Variants in DMXL1 observed in about 807,000 individuals in gnomAD.
The protein encoded by DMXL1 is dmX-like protein 1.
A neutral mutation model predicts 319.2 loss-of-function variants in DMXL1; 99 were observed. The ratio of observed to expected loss-of-function variants is 0.31; its 90% CI spans 0.26 to 0.37. The LOEUF is 0.37. DMXL1 is among the 10% of genes least tolerant of loss of function. DMXL1 has a pLI of 1.00. For synonymous variants in DMXL1, 1,385 were observed against 1,235.2 expected, an observed-to-expected ratio of 1.12 and a Z score of -2.54; for missense variants, 3,745 against 3,595.6, an observed-to-expected ratio of 1.04 and a Z score of -1.06.
intron 19 of DMXL1, among the ~76,000 whole-genome samples, chr5:119,156,212 T>C (rs1281623038): frequency 6.6e-6 from 1 of 152,208 alleles, no homozygotes; most frequent in Non-Finnish European, 1.5e-5. Context: ...AAGGCAAGAT[T>C]CTCCATCAGC....
intron 1 of DMXL1, among the ~76,000 whole-genome samples, chr5:119,072,729 C>G (rs550983011): frequency 2.5e-4 from 38 of 152,254 alleles, no homozygotes; most frequent in African/African-American, 9.1e-4. Flanking sequence ...CTGAATTGTA[C>G]TTTTAGAATT....
chr5:119,105,314 A>G, intron 4 of DMXL1, 56 bp downstream of exon 4: 1 of 1,371,418 alleles, frequency 7.3e-7, no homozygotes, highest in South Asian at 1.2e-5. Context: ...AGTTGTTCTT[A>G]TTTTTATTAC....
At chr5:119,201,710 T>A (rs776134273) in intron 32 of DMXL1, among the ~76,000 whole-genome samples, 35 of 152,212 alleles carry the variant, frequency 2.3e-4, no homozygotes, top group Non-Finnish European at 1.9e-4. Flanking sequence ...ATGCCTTTTT[T>A]GGTTGGTATG....
intron 10 of DMXL1, 128 bp from the exon 11 acceptor site, chr5:119,133,004 A>G (rs2150048028): frequency 2.1e-6 from 2 of 940,136 alleles, no homozygotes; most frequent in Non-Finnish European, 1.6e-6. Flanking sequence ...CGGAAGGGGT[A>G]CAGAGCTTCC....
intron 38 of DMXL1, among the ~76,000 whole-genome samples, chr5:119,226,427 T>C (rs1785575857): frequency 6.6e-6 from 1 of 152,178 alleles, no homozygotes; most frequent in Non-Finnish European, 1.5e-5. Context: ...AATAGATCTT[T>C]TGAAAAATTC....
chr5:119,202,066 C>G (rs1780803753), intron 32 of DMXL1, among the ~76,000 whole-genome samples: 1 of 152,050 alleles, frequency 6.6e-6, no homozygotes, highest in South Asian at 2.1e-4. Flanking sequence ...GTCTCAATTT[C>G]TTTCATTTCA....
intron 9 of DMXL1, among the ~76,000 whole-genome samples, chr5:119,128,851 G>T (rs924906591): frequency 3.3e-5 from 5 of 152,120 alleles, no homozygotes; most frequent in Non-Finnish European, 5.9e-5. Context: ...AGATCACGAG[G>T]TTGGGAGATC....
At chr5:119,075,014 G>C (rs1020042426) in intron 1 of DMXL1, among the ~76,000 whole-genome samples, 1 of 151,984 alleles carries the variant, frequency 6.6e-6, no homozygotes, top group African/African-American at 2.4e-5. Flanking sequence ...GTAAGTCCAT[G>C]GTTTAGCACA....
chr5:119,177,429 A>T lies in DMXL1; in HGVS notation c.6831A>T (p.Lys2277Asn). 1 of 1,609,776 alleles carries T rather than the reference A, an allele frequency of 6.2e-7. No individual in the cohort carries two copies. The highest frequency in any genetic ancestry group is 8.5e-7 in the Non-Finnish European group (1 of 1,177,304). Residue 2277 changes from lysine to asparagine, a missense_variant, in exon 27 of 44, where the codon AAA becomes AAT. Physicochemically the swap from Lys to Asn is moderately conservative, Grantham distance 94. Around this residue, in one of 4 missense-constraint regions of DMXL1, gnomAD observed 1,382 missense variants for 1,269.5 expected, o/e 1.09. Transcript: ENST00000539542. Reference sequence around the variant, plus strand: ...TGCTTCCTCATCGACCTTCTTTGAAAACAGGAAGCTTAGATGAAGCATTAA... The same window carrying T: ...TGCTTCCTCATCGACCTTCTTTGAATACAGGAAGCTTAGATGAAGCATTAA... ...TVLLPHRPSL[K>N]TGSLDEALTP... is the part of the protein sequence containing the mutation.
chr5:119,134,515 T>A (rs753138646), intron 13 of DMXL1, 126 bp downstream of exon 13: 1 of 837,810 alleles, frequency 1.2e-6, no homozygotes, highest in Non-Finnish European at 1.8e-6. Context: ...TTTGTTTTAT[T>A]TTTTCACATT....
chr5:119,172,008 C>G, intron 25 of DMXL1, 39 bp downstream of exon 25: 1 of 1,518,298 alleles, frequency 6.6e-7, no homozygotes. Context: ...TTCATCTGTA[C>G]AATGATAAAA....
At chr5:119,226,874 A>G (rs1785673385) in intron 38 of DMXL1, among the ~76,000 whole-genome samples, 1 of 152,226 alleles carries the variant, frequency 6.6e-6, no homozygotes, top group South Asian at 2.1e-4. Flanking sequence ...AGTACATAGA[A>G]TGAGGTCTGT....
Position 119,244,508 on chromosome 5 carries a change from G to A in DMXL1, c.8854G>A (p.Val2952Ile), listed in dbSNP as rs866775940. 4.3e-6 allele frequency: 7 copies of A among 1,613,998 alleles called. No individual in the cohort carries two copies. In the Admixed American group the frequency reaches 6.7e-5, roughly 15 times the overall value. The change falls in exon 43 of 44, where the codon GTT becomes ATT. Residue 2952 changes from valine to isoleucine, a missense_variant. Transcript: ENST00000539542. ...RQLFQSHDSP[V>I]KAVAVDPTEE... ...GCTTTTCCAGAGCCATGATTCTCCT[G>A]TTAAAGCCGTTGCTGTTGATCCAAC...
chr5:119,102,815 A>G (rs1251121333), intron 3 of DMXL1, among the ~76,000 whole-genome samples: 1 of 152,134 alleles, frequency 6.6e-6, no homozygotes, highest in African/African-American at 2.4e-5. Flanking sequence ...AATAAAAGCA[A>G]ACCGTCTGAA....
chr5:119,080,551 A>G (rs1751975970), intron 1 of DMXL1, among the ~76,000 whole-genome samples: 1 of 152,012 alleles, frequency 6.6e-6, no homozygotes, highest in Non-Finnish European at 1.5e-5. Flanking sequence ...TTTCTTATAC[A>G]ATCAATCAAG....
chr5:119,078,480 T>G (rs1751482832), intron 1 of DMXL1, among the ~76,000 whole-genome samples: 1 of 152,200 alleles, frequency 6.6e-6, no homozygotes. Flanking sequence ...AGACAGAGTC[T>G]TGCTCTGTCA....
intron 2 of DMXL1, among the ~76,000 whole-genome samples, chr5:119,099,060 G>T (rs1207943030): frequency 1.3e-5 from 2 of 151,976 alleles, no homozygotes; most frequent in East Asian, 3.9e-4. Flanking sequence ...TTGTTACATG[G>T]TATTCCTTCC....
chr5:119,120,261 C>T (rs542991974), intron 8 of DMXL1, among the ~76,000 whole-genome samples: 2 of 152,196 alleles, frequency 1.3e-5, no homozygotes, highest in East Asian at 3.8e-4. Context: ...TATGCAGCAA[C>T]AATTTTTCTA....
intron 28 of DMXL1, among the ~76,000 whole-genome samples, chr5:119,188,384 A>G (rs1045581306): frequency 2.0e-5 from 3 of 152,252 alleles, no homozygotes; most frequent in African/African-American, 7.2e-5. Flanking sequence ...CCTAGGCAAC[A>G]TAAGGAGACC....
Sources: allele counts gnomAD v4.1 joint callset (sites outside exome capture counted in the v4.1 genomes callset), GRCh38; gene constraint gnomAD v4.1.1; regional missense constraint gnomAD v4.1.1; transcripts MANE v1.5; gene names NCBI Gene and HGNC (gene_info 2026-07-23, HGNC 2026-07-21).